The following RBFOX1 variants were observed in gnomAD, a reference collection of about 807,000 sequenced individuals.
RBFOX1 encodes the protein RNA binding fox-1 homolog 1, also known as RNA binding protein fox-1 homolog 1.
RBFOX1 carries 8 observed loss-of-function variants against 57.7 expected under a neutral mutation model. The observed-to-expected ratio is 0.14, with a 90% CI of 0.08 to 0.25. The LOEUF (loss-of-function observed/expected upper bound fraction) is 0.25, where lower values mean the gene tolerates loss of function less well. Among genes scored for constraint, RBFOX1 ranks in the 10% least tolerant of loss-of-function variants. RBFOX1 has a pLI of 1.00. For synonymous variants in RBFOX1, 326 were observed against 222.4 expected (o/e 1.47, Z -4.15); for missense variants, 611 against 548.5 (o/e 1.11, Z -1.14).
chr16:5,570,359 G>A (rs968576632), intron 2 of RBFOX1, among the ~76,000 whole-genome samples: 3 of 152,242 alleles, frequency 2.0e-5, no homozygotes, highest in African/African-American at 7.2e-5. Flanking sequence ...ACCCTATAAG[G>A]GTTGTTGTGA....
chr16:6,756,573 C>T (rs1030207472), intron 3 of RBFOX1, among the ~76,000 whole-genome samples: 1 of 152,166 alleles, frequency 6.6e-6, no homozygotes, highest in African/African-American at 2.4e-5. Context: ...TCAGTCAACT[C>T]ATATCCAGAA....
chr16:6,430,284 C>A lies in RBFOX1; in HGVS notation c.-64+113227C>A, dbSNP rs79685543. Among the ~76,000 whole-genome samples the A allele has an allele frequency of 6.0e-3, 917 of 152,250 alleles. 34 individuals are homozygous for A. The East Asian group carries it at 0.13, about 21-fold the overall frequency. On this transcript the variant is annotated intron_variant, in intron 2 of 15. Transcript: ENST00000550418. ...CCAGGGAATATAAAACAGTAAGACT[C>A]AGTCTCTCCTCTTGAGGAGCTCAGA... is the stretch of plus-strand genomic sequence containing the variant.
At chr16:7,599,430 C>T (rs933460964) in intron 9 of RBFOX1, among the ~76,000 whole-genome samples, 3 of 148,808 alleles carry the variant, frequency 2.0e-5, no homozygotes, top group Non-Finnish European at 4.5e-5. Context: ...AATTTTATGA[C>T]CAGGGACTGA....
At chr16:6,042,787 G>A (rs921927837) in intron 1 of RBFOX1, among the ~76,000 whole-genome samples, 1 of 152,140 alleles carries the variant, frequency 6.6e-6, no homozygotes, top group Non-Finnish European at 1.5e-5. Context: ...CATTGGTTCA[G>A]CAAAGAAAGG....
chr16:6,915,725 TAC>T (rs1231476884), intron 3 of RBFOX1, among the ~76,000 whole-genome samples: 1 of 151,982 alleles, frequency 6.6e-6, no homozygotes, highest in Non-Finnish European at 1.5e-5. Context: ...TAAATTTTTC[TAC>T]TTTTTGTAGA....
chr16:6,313,095 A>G (rs771173019), intron 1 of RBFOX1, among the ~76,000 whole-genome samples: 67 of 152,186 alleles, frequency 4.4e-4, no homozygotes, highest in Non-Finnish European at 7.5e-4. Flanking sequence ...AGTCAAAGCC[A>G]TAGCATGCCA....
intron 4 of RBFOX1, among the ~76,000 whole-genome samples, chr16:7,334,964 A>AT (rs1357018200): frequency 6.6e-6 from 1 of 152,194 alleles, no homozygotes; most frequent in African/African-American, 2.4e-5. Context: ...AGCTGCTGTG[A>AT]TATGTGTTAT....
chr16:7,148,206 C>G (rs943548468), intron 4 of RBFOX1, among the ~76,000 whole-genome samples: 1 of 152,108 alleles, frequency 6.6e-6, no homozygotes, highest in Non-Finnish European at 1.5e-5. Context: ...TCTGTTAGAT[C>G]AACAATTAAG....
chr16:5,840,146 C>A (rs1475714225), intron 3 of RBFOX1, among the ~76,000 whole-genome samples: 1 of 152,156 alleles, frequency 6.6e-6, no homozygotes, highest in Non-Finnish European at 1.5e-5. Context: ...GTCCTTATTT[C>A]CCCCATTGTG....
intron 1 of RBFOX1, among the ~76,000 whole-genome samples, chr16:5,382,523 G>A (rs1359364848): frequency 6.6e-6 from 1 of 151,990 alleles, no homozygotes; most frequent in African/African-American, 2.4e-5. Context: ...CATTTCTGTA[G>A]CGTTCTGATT....
intron 4 of RBFOX1, among the ~76,000 whole-genome samples, chr16:5,996,712 G>A (rs2060496649): frequency 1.3e-5 from 2 of 151,988 alleles, no homozygotes. Context: ...AGAGAACTGT[G>A]GGATTTAACT....
At chr16:7,106,964 C>G (rs2063705312) in intron 4 of RBFOX1, among the ~76,000 whole-genome samples, 1 of 80,264 alleles carries the variant, frequency 1.2e-5, no homozygotes, top group Non-Finnish European at 2.6e-5. Flanking sequence ...CTTGCATTCC[C>G]ATGTAAGCCA....
chr16:5,807,021 ACCT>A (rs1320611353), intron 3 of RBFOX1, among the ~76,000 whole-genome samples: 33 of 152,188 alleles, frequency 2.2e-4, no homozygotes, highest in Middle Eastern at 6.8e-3. Flanking sequence ...ACCCCCCGAC[ACCT>A]CCTCCAGCAG....
chr16:7,671,688 G>T (rs940894241), intron 13 of RBFOX1: 1 of 1,218,770 alleles, frequency 8.2e-7, no homozygotes, highest in East Asian at 2.3e-5. Flanking sequence ...CTGGGGAGGG[G>T]AACAGTTCTC....
chr16:6,892,528 C>T (rs537370336), intron 3 of RBFOX1, among the ~76,000 whole-genome samples: 7 of 152,006 alleles, frequency 4.6e-5, no homozygotes, highest in South Asian at 4.1e-4. Context: ...AAATTAGCTG[C>T]GCATGGTGGC....
At chr16:5,763,685 A>G (rs1489886600) in intron 3 of RBFOX1, among the ~76,000 whole-genome samples, 1 of 152,222 alleles carries the variant, frequency 6.6e-6, no homozygotes, top group East Asian at 1.9e-4. Flanking sequence ...TTGGATTTGA[A>G]AAGCGATTTA....
intron 2 of RBFOX1, among the ~76,000 whole-genome samples, chr16:6,321,337 G>A (rs1401995792): frequency 6.6e-6 from 1 of 152,134 alleles, no homozygotes; most frequent in Non-Finnish European, 1.5e-5. Flanking sequence ...AAATACAGGG[G>A]CTAGGTCAGA....
chr16:5,427,238 G>A (rs1165737870), intron 1 of RBFOX1, among the ~76,000 whole-genome samples: 1 of 152,218 alleles, frequency 6.6e-6, no homozygotes, highest in Non-Finnish European at 1.5e-5. Context: ...TACATCAAAA[G>A]AGATTTATTT....
At chr16:7,361,585 C>T (rs1042602659) in intron 4 of RBFOX1, among the ~76,000 whole-genome samples, 8 of 152,116 alleles carry the variant, frequency 5.3e-5, no homozygotes, top group African/African-American at 1.9e-4. Context: ...CTGTTCCCGG[C>T]CTTGTTTCTA....
Sources: allele counts gnomAD v4.1 joint callset (sites outside exome capture counted in the v4.1 genomes callset), GRCh38; gene constraint gnomAD v4.1.1; transcripts MANE v1.5; gene names NCBI Gene and HGNC (gene_info 2026-07-23, HGNC 2026-07-21).